Variants in LRMDA observed in about 807,000 individuals in gnomAD.
LRMDA encodes leucine rich melanocyte differentiation associated.
Under a neutral mutation model 29.8 loss-of-function variants are expected in LRMDA, and 18 were observed. The ratio of observed to expected loss-of-function variants is 0.60; its 90% CI spans 0.42 to 0.90. The LOEUF (loss-of-function observed/expected upper bound fraction) is 0.90, where lower values mean the gene tolerates loss of function less well. LRMDA is among the 40% of genes least tolerant of loss of function. The pLI, the probability that LRMDA is intolerant of heterozygous loss-of-function variation, is 0.00. For missense variants in LRMDA, 273 were observed against 273.9 expected, an observed-to-expected ratio of 1.00 and a Z score of 0.02; for synonymous variants, 125 against 109.4, an observed-to-expected ratio of 1.14 and a Z score of -0.89.
intron 1 of LRMDA, among the ~76,000 whole-genome samples, chr10:75,432,037 C>T (rs1040662793): frequency 6.6e-6 from 1 of 152,248 alleles, no homozygotes; most frequent in African/African-American, 2.4e-5. Context: ...GCCCAGCGGA[C>T]ACAGTGCTGA....
At chr10:76,457,209 C>T (rs1478384190) in intron 6 of LRMDA, among the ~76,000 whole-genome samples, 1 of 152,164 alleles carries the variant, frequency 6.6e-6, no homozygotes, top group Non-Finnish European at 1.5e-5. Flanking sequence ...AATGCTTTTC[C>T]ATTTTCTTTT....
At chr10:75,619,351 G>T (rs998351967) in intron 2 of LRMDA, among the ~76,000 whole-genome samples, 5 of 152,144 alleles carry the variant, frequency 3.3e-5, no homozygotes, top group Admixed American at 3.3e-4. Flanking sequence ...TTGTGTATCT[G>T]CTGGATACTC....
chr10:75,950,131 C>T (rs1846548840), intron 2 of LRMDA, among the ~76,000 whole-genome samples: 1 of 152,170 alleles, frequency 6.6e-6, no homozygotes, highest in African/African-American at 2.4e-5. Flanking sequence ...GTGGCTGTGG[C>T]CTTTGGAGGC....
chr10:75,731,635 A>G (rs1167580323), intron 2 of LRMDA, among the ~76,000 whole-genome samples: 1 of 152,196 alleles, frequency 6.6e-6, no homozygotes, highest in Non-Finnish European at 1.5e-5. Flanking sequence ...ACTCACCATT[A>G]AGTCCTCTAT....
chr10:75,510,561 A>G (rs1845214308), intron 2 of LRMDA, among the ~76,000 whole-genome samples: 1 of 152,212 alleles, frequency 6.6e-6, no homozygotes, highest in Non-Finnish European at 1.5e-5. Flanking sequence ...GGGGGAAGAA[A>G]TATAATTCGA....
chr10:75,783,254 A>G (rs1247214750), intron 2 of LRMDA, among the ~76,000 whole-genome samples: 1 of 152,190 alleles, frequency 6.6e-6, no homozygotes, highest in African/African-American at 2.4e-5. Context: ...TCGATCACAT[A>G]GTCCTCATAA....
intron 2 of LRMDA, among the ~76,000 whole-genome samples, chr10:75,496,626 GTGAGATGGGTATACCA>G (rs1845046941): frequency 6.6e-6 from 1 of 152,074 alleles, no homozygotes; most frequent in African/African-American, 2.4e-5. Context: ...TTCCCTTTAT[GTGAGATGGGTATACCA>G]TGAGAAGGCG....
At chr10:75,692,219 A>AAAAAAATAT (rs1353540469) in intron 2 of LRMDA, among the ~76,000 whole-genome samples, 1 of 87,546 alleles carries the variant, frequency 1.1e-5, no homozygotes, top group African/African-American at 5.5e-5. Context: ...AAAAAAAAAA[A>AAAAAAATAT]ATATATATAT....
In LRMDA at chr10:75,542,738, C is replaced by T. The variant is rs545305525; in HGVS notation, c.131+104244C>T. On this transcript the variant is annotated intron_variant, in intron 2 of 6. Transcript: ENST00000611255. ...GGGTGAGAATATCAAACATGTCGTCCTGTCAAGATGACAGCCAGCGTCATG... is the reference window on the plus strand; with the variant it reads ...GGGTGAGAATATCAAACATGTCGTCTTGTCAAGATGACAGCCAGCGTCATG... 3.3e-5 allele frequency among the ~76,000 whole-genome samples: 5 copies of T among 152,262 alleles called. 1 individual carries two copies. The South Asian group carries it at 1.0e-3, about 32-fold the overall frequency.
chr10:76,034,272 T>A (rs140870299), intron 2 of LRMDA, among the ~76,000 whole-genome samples: 1 of 152,292 alleles, frequency 6.6e-6, no homozygotes, highest in African/African-American at 2.4e-5. Flanking sequence ...AGGCAGGCAA[T>A]GTGTAATCAT....
intron 5 of LRMDA, among the ~76,000 whole-genome samples, chr10:76,093,420 A>G (rs530623086): frequency 6.6e-6 from 1 of 152,090 alleles, no homozygotes; most frequent in South Asian, 2.1e-4. Context: ...TCCCTTCTGA[A>G]CAAACTCACT....
chr10:76,178,960 A>G (rs965516939), intron 5 of LRMDA, among the ~76,000 whole-genome samples: 1 of 152,138 alleles, frequency 6.6e-6, no homozygotes, highest in Non-Finnish European at 1.5e-5. Context: ...GTGTTTGTTC[A>G]CAAGAGAACC....
At chr10:75,880,597 G>A (rs114934388) in intron 2 of LRMDA, among the ~76,000 whole-genome samples, 1,595 of 152,300 alleles carry the variant, frequency 0.01, 29 homozygotes, top group African/African-American at 0.036. Flanking sequence ...ATCTAGGTGA[G>A]AGGGTGGGAT....
chr10:75,440,552 G>A (rs910703833), intron 2 of LRMDA, among the ~76,000 whole-genome samples: 2 of 152,108 alleles, frequency 1.3e-5, no homozygotes, highest in African/African-American at 2.4e-5. Flanking sequence ...TGAGTTGGGT[G>A]TGCTTGGGAC....
At chr10:76,000,026 C>T (rs1847534017) in intron 2 of LRMDA, among the ~76,000 whole-genome samples, 1 of 151,994 alleles carries the variant, frequency 6.6e-6, no homozygotes, top group African/African-American at 2.4e-5. Context: ...AATAATTTGT[C>T]TGTCAAAAAA....
At chr10:75,488,968 C>G (rs148518882) in intron 2 of LRMDA, among the ~76,000 whole-genome samples, 2 of 152,168 alleles carry the variant, frequency 1.3e-5, no homozygotes, top group African/African-American at 4.8e-5. Context: ...CCGTTTGTGA[C>G]GAGTTATCTC....
chr10:75,696,082 G>A (rs941545676), intron 2 of LRMDA, among the ~76,000 whole-genome samples: 3 of 152,118 alleles, frequency 2.0e-5, no homozygotes, highest in Non-Finnish European at 2.9e-5. Flanking sequence ...GTTTAGTACA[G>A]GTAGTATAAT....
chr10:75,448,559 T>C (rs972583090), intron 2 of LRMDA, among the ~76,000 whole-genome samples: 6 of 152,198 alleles, frequency 3.9e-5, no homozygotes, highest in African/African-American at 1.4e-4. Context: ...TCTGCTACTA[T>C]AGAGGGCATT....
chr10:76,553,598 C>T (rs1001996310), intron 6 of LRMDA, among the ~76,000 whole-genome samples: 1 of 152,230 alleles, frequency 6.6e-6, no homozygotes, highest in Non-Finnish European at 1.5e-5. Flanking sequence ...AAATAACCTT[C>T]ATGATAAATA....
Sources: allele counts gnomAD v4.1 joint callset (sites outside exome capture counted in the v4.1 genomes callset), GRCh38; gene constraint gnomAD v4.1.1; transcripts MANE v1.5; gene names NCBI Gene and HGNC (gene_info 2026-07-23, HGNC 2026-07-21).